EHBP1: variants seen among roughly 807,000 people sequenced by gnomAD.
EHBP1 encodes EH domain binding protein 1, also known as EH domain-binding protein 1.
A neutral mutation model predicts 144.0 loss-of-function variants in EHBP1; 55 were observed. That is an observed-to-expected ratio of 0.38 (90% CI 0.31 to 0.48). The LOEUF (loss-of-function observed/expected upper bound fraction) is 0.48, where lower values mean the gene tolerates loss of function less well. Among genes scored for constraint, EHBP1 ranks in the 20% least tolerant of loss-of-function variants. The probability of loss-of-function intolerance (pLI) is 0.98; values close to 1 mark genes in which losing one functional copy is unlikely to be tolerated. For synonymous variants in EHBP1, 469 were observed against 472.7 expected, an observed-to-expected ratio of 0.99 and a Z score of 0.10; for missense variants, 1,200 against 1,364.2, an observed-to-expected ratio of 0.88 and a Z score of 1.90.
In EHBP1 at chr2:62,937,838, T is replaced by C. The variant is rs931442613; in HGVS notation, c.1186-4880T>C. Among the ~76,000 whole-genome samples, 21 of 152,286 alleles carry C rather than the reference T, an allele frequency of 1.4e-4. No homozygotes were observed. In the East Asian group the frequency reaches 3.9e-3, roughly 28 times the overall value. ...AGATTTGGGATTCAATACTTCGAAG[T>C]ATTTTGACATCATTTTGTGTGTTCT... On this transcript the variant is annotated intron_variant, in intron 10 of 22. Coordinates refer to ENST00000431489, the MANE Select transcript of EHBP1 (RefSeq NM_001142616.3).
intron 10 of EHBP1, among the ~76,000 whole-genome samples, chr2:62,933,771 G>A (rs994547195): frequency 2.6e-5 from 4 of 152,018 alleles, no homozygotes; most frequent in Non-Finnish European, 5.9e-5. Context: ...TTTGTTCTTT[G>A]CTTTATTGTT....
chr2:62,918,893 A>G (rs2054848463), intron 10 of EHBP1, among the ~76,000 whole-genome samples: 3 of 152,152 alleles, frequency 2.0e-5, no homozygotes. Context: ...CAACATTTGC[A>G]CTGGCAGAAT....
At chr2:62,696,858 CAAGACAA>C (rs1480985206) in intron 1 of EHBP1, among the ~76,000 whole-genome samples, 1 of 152,042 alleles carries the variant, frequency 6.6e-6, no homozygotes, top group Non-Finnish European at 1.5e-5. Context: ...AGAACACATA[CAAGACAA>C]AAAACAACCT....
intron 2 of EHBP1, among the ~76,000 whole-genome samples, chr2:62,734,050 C>A (rs975389214): frequency 6.6e-6 from 1 of 152,030 alleles, no homozygotes; most frequent in African/African-American, 2.4e-5. Flanking sequence ...TGTTGTGGGG[C>A]TATATAGAAG....
intron 7 of EHBP1, among the ~76,000 whole-genome samples, chr2:62,835,204 G>A (rs960313133): frequency 2.0e-5 from 3 of 151,984 alleles, no homozygotes; most frequent in African/African-American, 7.2e-5. Context: ...GCATTTGGTT[G>A]ATTTAACTTT....
chr2:62,779,662 G>A (rs1302237356), intron 5 of EHBP1, among the ~76,000 whole-genome samples: 1 of 152,154 alleles, frequency 6.6e-6, no homozygotes, highest in African/African-American at 2.4e-5. Flanking sequence ...CAGTCCCAGA[G>A]TCTTAAACCC....
chr2:62,769,795 TA>T (rs70962794), intron 4 of EHBP1, among the ~76,000 whole-genome samples: 171 of 73,882 alleles, frequency 2.3e-3, no homozygotes, highest in Admixed American at 0.011. Flanking sequence ...ATGGTACTGG[TA>T]AAAAAAAAAA....
chr2:62,994,719 T>A (rs1216286832), intron 18 of EHBP1, among the ~76,000 whole-genome samples: 5 of 152,146 alleles, frequency 3.3e-5, no homozygotes, highest in Non-Finnish European at 7.4e-5. Context: ...AGTTGGATTT[T>A]AAAATCCTTA....
intron 12 of EHBP1, among the ~76,000 whole-genome samples, chr2:62,944,251 A>G (rs2056936786): frequency 6.6e-6 from 1 of 152,212 alleles, no homozygotes; most frequent in Non-Finnish European, 1.5e-5. Context: ...AGGTTCTGAG[A>G]GGCAAAAATA....
At chr2:62,919,492 A>AT (rs902080226) in intron 10 of EHBP1, among the ~76,000 whole-genome samples, 12 of 152,170 alleles carry the variant, frequency 7.9e-5, no homozygotes, top group African/African-American at 2.2e-4. Context: ...ACCACCTACA[A>AT]TTTTTTTTAA....
chr2:62,729,133 T>G (rs943178491), intron 2 of EHBP1, among the ~76,000 whole-genome samples: 3 of 150,592 alleles, frequency 2.0e-5, no homozygotes, highest in Admixed American at 6.7e-5. Context: ...TTCACTTTAC[T>G]TTTTCACTTA....
chr2:62,793,769 G>A (rs924048829), intron 5 of EHBP1, among the ~76,000 whole-genome samples: 1 of 152,168 alleles, frequency 6.6e-6, no homozygotes, highest in Non-Finnish European at 1.5e-5. Flanking sequence ...AAAACACTAA[G>A]TGTCTTTATT....
chr2:62,738,985 A>G (rs2038422143), intron 2 of EHBP1, among the ~76,000 whole-genome samples: 1 of 152,216 alleles, frequency 6.6e-6, no homozygotes, highest in South Asian at 2.1e-4. Context: ...GAGACTGTAC[A>G]AAGCTATTTG....
chr2:62,865,269 T>C (rs546162882), intron 9 of EHBP1, among the ~76,000 whole-genome samples: 2 of 152,340 alleles, frequency 1.3e-5, no homozygotes, highest in Admixed American at 1.3e-4. Flanking sequence ...TTTAGGTTTT[T>C]GGTTTTTTTT....
chr2:62,949,096 G>T lies in EHBP1; in HGVS notation c.2250G>T (p.Thr750=). 5.0e-6 allele frequency: 8 copies of T among 1,600,322 alleles called. No individual in the cohort carries two copies. Among genetic ancestry groups the T allele is most frequent in the Middle Eastern group, 1.7e-4 (1 of 5,974 alleles). ...AKKKHASLRQ[T]ESDPDADRTT... is the part of the protein sequence containing the mutation. ...AAAAACATGCTTCCCTGAGGCAGAC[G>T]GAGTCTGATCCAGATGCTGATAGAA... Residue 750 remains threonine, a synonymous_variant, in exon 13 of 23, where the codon ACG becomes ACT. Transcript: ENST00000431489.
chr2:62,786,400 A>G (rs1273865950), intron 5 of EHBP1, among the ~76,000 whole-genome samples: 1 of 152,148 alleles, frequency 6.6e-6, no homozygotes, highest in African/African-American at 2.4e-5. Context: ...TAGCCTTGCC[A>G]CATAGTGTTA....
intron 6 of EHBP1, among the ~76,000 whole-genome samples, chr2:62,829,675 T>C (rs538699354): frequency 7.4e-4 from 109 of 146,948 alleles, no homozygotes; most frequent in African/African-American, 2.5e-3. Flanking sequence ...TATATAGTGG[T>C]ATTGTGTATA....
chr2:62,985,767 T>C (rs1215180054), intron 15 of EHBP1, among the ~76,000 whole-genome samples: 1 of 152,212 alleles, frequency 6.6e-6, no homozygotes, highest in Non-Finnish European at 1.5e-5. Context: ...AATTTAAAGG[T>C]TAGCGTTTCC....
chr2:62,712,219 C>A (rs1236436646), intron 2 of EHBP1, among the ~76,000 whole-genome samples: 1 of 152,060 alleles, frequency 6.6e-6, no homozygotes, highest in Admixed American at 6.5e-5. Context: ...TTCATTGTTA[C>A]AAGGGGAGAA....
Sources: allele counts gnomAD v4.1 joint callset (sites outside exome capture counted in the v4.1 genomes callset), GRCh38; gene constraint gnomAD v4.1.1; transcripts MANE v1.5; gene names NCBI Gene and HGNC (gene_info 2026-07-23, HGNC 2026-07-21).